Variants in STXBP5L observed in about 807,000 individuals in gnomAD.
The protein encoded by STXBP5L is syntaxin binding protein 5L.
In STXBP5L, 65 loss-of-function variants were observed where a neutral mutation model predicts 144.5. The ratio of observed to expected loss-of-function variants is 0.45; its 90% confidence interval spans 0.37 to 0.55. The LOEUF is 0.55. Ranked by LOEUF, STXBP5L falls within the 20% of genes least tolerant of loss-of-function variation. The pLI, the probability that STXBP5L is intolerant of heterozygous loss-of-function variation, is 0.00. For missense variants in STXBP5L, 1,298 were observed against 1,405.5 expected (o/e 0.92, Z 1.22); for synonymous variants, 505 against 469.6 (o/e 1.08, Z -0.97).
intron 3 of STXBP5L, among the ~76,000 whole-genome samples, chr3:121,039,726 T>G (rs1947014722): frequency 6.6e-6 from 1 of 151,872 alleles, no homozygotes; most frequent in South Asian, 2.1e-4. Context: ...TAAAAAAAAT[T>G]TTATCTCTTC....
At chr3:121,042,873 A>T (rs1167356021) in intron 4 of STXBP5L, among the ~76,000 whole-genome samples, 1 of 151,826 alleles carries the variant, frequency 6.6e-6, no homozygotes, top group African/African-American at 2.4e-5. Flanking sequence ...ACATTTGAAA[A>T]ATATTTCATT....
At chr3:121,080,591 G>T (rs1228732721) in intron 5 of STXBP5L, among the ~76,000 whole-genome samples, 3 of 152,100 alleles carry the variant, frequency 2.0e-5, no homozygotes, top group African/African-American at 7.2e-5. Flanking sequence ...GCTTAATTTT[G>T]CTGGATACCA....
chr3:121,249,114 G>C (rs115883331), intron 14 of STXBP5L, among the ~76,000 whole-genome samples: 4,823 of 151,864 alleles, frequency 0.032, 140 homozygotes, highest in African/African-American at 0.075. Context: ...TAGCTATACA[G>C]GTTCTTTTTT....
At chr3:121,055,328 T>G (rs961247697) in intron 5 of STXBP5L, among the ~76,000 whole-genome samples, 1 of 152,252 alleles carries the variant, frequency 6.6e-6, no homozygotes, top group Non-Finnish European at 1.5e-5. Context: ...ATTAGCCGTT[T>G]AATTCTGTAA....
intron 5 of STXBP5L, among the ~76,000 whole-genome samples, chr3:121,071,621 A>G (rs1376163170): frequency 1.3e-5 from 2 of 152,226 alleles, no homozygotes; most frequent in Admixed American, 6.5e-5. Flanking sequence ...CAAGATCACA[A>G]TATGGGGACC....
intron 20 of STXBP5L, among the ~76,000 whole-genome samples, chr3:121,359,585 A>G (rs1359743609): frequency 6.6e-6 from 1 of 152,110 alleles, no homozygotes; most frequent in Non-Finnish European, 1.5e-5. Context: ...TTGAGGTCTT[A>G]TATTTAAGTC....
chr3:121,135,668 G>A (rs1007966870), intron 7 of STXBP5L, among the ~76,000 whole-genome samples: 1 of 152,146 alleles, frequency 6.6e-6, no homozygotes, highest in African/African-American at 2.4e-5. Context: ...GTGGTAATGC[G>A]AGTGACGGGG....
At chr3:121,290,913 G>A (rs1447362512) in intron 19 of STXBP5L, among the ~76,000 whole-genome samples, 2 of 152,058 alleles carry the variant, frequency 1.3e-5, no homozygotes, top group Non-Finnish European at 2.9e-5. Context: ...GGTAATAAAA[G>A]CCATCTATGA....
chr3:121,381,935 G>A (rs985909939), intron 22 of STXBP5L, among the ~76,000 whole-genome samples: 2 of 152,074 alleles, frequency 1.3e-5, no homozygotes, highest in African/African-American at 4.8e-5. Flanking sequence ...TAAGCTAGAA[G>A]CTATCTGACC....
At chr3:121,240,803 T>C (rs957251849) in intron 14 of STXBP5L, among the ~76,000 whole-genome samples, 3 of 152,184 alleles carry the variant, frequency 2.0e-5, no homozygotes, top group Admixed American at 6.5e-5. Flanking sequence ...CAAAGGCCCT[T>C]ACAAACACTT....
At chr3:121,191,585 A>G (rs147280644) in intron 9 of STXBP5L, among the ~76,000 whole-genome samples, 165 of 151,974 alleles carry the variant, frequency 1.1e-3, no homozygotes, top group African/African-American at 3.8e-3. Context: ...TTTTTTTCCA[A>G]TTCTGTGAAG....
At chr3:121,284,061 A>G (rs1165397368) in intron 19 of STXBP5L, among the ~76,000 whole-genome samples, 6 of 152,050 alleles carry the variant, frequency 3.9e-5, no homozygotes, top group African/African-American at 1.4e-4. Context: ...ACTGAAGGTC[A>G]GGAGCAGAAG....
Position 121,028,885 on chromosome 3 carries a change from A to G in STXBP5L, c.288-12815A>G, listed in dbSNP as rs1946158336. On this transcript the variant is annotated intron_variant, in intron 3 of 26. Coordinates refer to ENST00000471454, the MANE Select transcript of STXBP5L (RefSeq NM_001308330.2). ...TTCTTAATTGCTAACAATAGAAACT[A>G]GTTGGCTGATTGATTAGAAAGGGAG... 1.3e-5 allele frequency among the ~76,000 whole-genome samples: 2 copies of G among 152,080 alleles called. 1 individual carries two copies. The highest frequency in any genetic ancestry group is 4.1e-4 in the South Asian group (2 of 4,822).
chr3:121,400,162 A>T (rs1185201612), intron 22 of STXBP5L, among the ~76,000 whole-genome samples: 3 of 152,210 alleles, frequency 2.0e-5, no homozygotes. Context: ...AAGACCAATG[A>T]GACAATGGAG....
chr3:121,107,737 A>G (rs1438664674), intron 5 of STXBP5L, among the ~76,000 whole-genome samples: 1 of 151,840 alleles, frequency 6.6e-6, no homozygotes, highest in Non-Finnish European at 1.5e-5. Context: ...AGTTTTTTCT[A>G]ATTCTGTGAA....
At chr3:121,359,979 AATAT>A (rs2045655657) in intron 20 of STXBP5L, among the ~76,000 whole-genome samples, 1 of 145,680 alleles carries the variant, frequency 6.9e-6, no homozygotes, top group Admixed American at 7.0e-5. Context: ...TATATAATAT[AATAT>A]ATATAATATA....
At chr3:121,403,142 A>G (rs904492768) in intron 22 of STXBP5L, among the ~76,000 whole-genome samples, 2 of 152,102 alleles carry the variant, frequency 1.3e-5, no homozygotes, top group African/African-American at 2.4e-5. Flanking sequence ...CTACCAACCT[A>G]TCTGCTTGTA....
intron 9 of STXBP5L, among the ~76,000 whole-genome samples, chr3:121,183,043 G>C (rs1324558458): frequency 6.6e-6 from 1 of 152,114 alleles, no homozygotes; most frequent in Non-Finnish European, 1.5e-5. Flanking sequence ...CACATAAACA[G>C]AATTTAAAAC....
chr3:121,372,605 T>C (rs997919973), intron 20 of STXBP5L, among the ~76,000 whole-genome samples: 10 of 152,134 alleles, frequency 6.6e-5, no homozygotes, highest in African/African-American at 2.2e-4. Flanking sequence ...GAACAAGTCG[T>C]GGTGTGTGGT....
Sources: allele counts gnomAD v4.1 joint callset (sites outside exome capture counted in the v4.1 genomes callset), GRCh38; gene constraint gnomAD v4.1.1; transcripts MANE v1.5; gene names NCBI Gene and HGNC (gene_info 2026-07-23, HGNC 2026-07-21).